The following FGGY variants were observed in gnomAD, a reference collection of about 807,000 sequenced individuals.
The protein encoded by FGGY is FGGY carbohydrate kinase domain containing.
Under a neutral mutation model 71.3 loss-of-function variants are expected in FGGY, and 72 were observed. That is an observed-to-expected ratio of 1.01 (90% confidence interval 0.84 to 1.23). The LOEUF (loss-of-function observed/expected upper bound fraction) is 1.23. Ranked by LOEUF, FGGY falls within the 50% of genes most tolerant of loss-of-function variation. The pLI, the probability that FGGY is intolerant of heterozygous loss-of-function variation, is 0.00. For missense variants in FGGY, 668 were observed against 682.3 expected, an observed-to-expected ratio of 0.98 and a Z score of 0.23; for synonymous variants, 251 against 250.3, an observed-to-expected ratio of 1.00 and a Z score of -0.02.
chr1:59,616,631 T>TA (rs898667158), intron 9 of FGGY, among the ~76,000 whole-genome samples: 1 of 151,954 alleles, frequency 6.6e-6, no homozygotes, highest in Non-Finnish European at 1.5e-5. Flanking sequence ...TAAAGTATAA[T>TA]AAAAAAATAA....
chr1:59,639,358 T>C (rs1354954611), intron 11 of FGGY, among the ~76,000 whole-genome samples: 1 of 152,160 alleles, frequency 6.6e-6, no homozygotes, highest in Non-Finnish European at 1.5e-5. Context: ...GTTGACATGA[T>C]CAACTTCTAT....
intron 12 of FGGY, among the ~76,000 whole-genome samples, chr1:59,662,783 A>C (rs1002070574): frequency 6.6e-6 from 1 of 152,226 alleles, no homozygotes; most frequent in Non-Finnish European, 1.5e-5. Flanking sequence ...GTAGTAGGCT[A>C]TACCATCTAG....
intron 14 of FGGY, among the ~76,000 whole-genome samples, chr1:59,732,694 G>A (rs186077116): frequency 1.3e-5 from 2 of 152,134 alleles, no homozygotes; most frequent in Non-Finnish European, 2.9e-5. Context: ...GTATTCAGGA[G>A]CTTAGCTAGT....
intron 10 of FGGY, among the ~76,000 whole-genome samples, chr1:59,629,984 A>G (rs1374439920): frequency 6.6e-6 from 1 of 152,164 alleles, no homozygotes; most frequent in Admixed American, 6.5e-5. Context: ...TAATTTATAA[A>G]GGAAAGAGGT....
At chr1:59,500,108 T>C (rs1416130001) in intron 6 of FGGY, among the ~76,000 whole-genome samples, 1 of 152,186 alleles carries the variant, frequency 6.6e-6, no homozygotes, top group African/African-American at 2.4e-5. Context: ...GACAACGGCA[T>C]AGAAGGTGGA....
rs192710769 is a variant in FGGY, at chr1:59,424,439, C to T, written c.555-32522C>T. Among the ~76,000 whole-genome samples, 48 of 152,204 alleles carry T rather than the reference C, an allele frequency of 3.2e-4. No individual in the cohort carries two copies. The East Asian group carries it at 5.8e-3, about 18-fold the overall frequency. ...GCACACGCCTGTAATTCCAGCTACTCGGGAAGCTGAGGCAGGAGAATCGCT... is the reference window on the plus strand; with the variant it reads ...GCACACGCCTGTAATTCCAGCTACTTGGGAAGCTGAGGCAGGAGAATCGCT... On this transcript the variant is annotated intron_variant, in intron 5 of 15. Transcript: ENST00000303721.
In FGGY at chr1:59,660,305, T is replaced by A; in HGVS notation, c.1296+12T>A. 1 of 1,608,692 alleles carries A rather than the reference T, an allele frequency of 6.2e-7. No homozygotes were observed. The highest frequency in any genetic ancestry group is 8.5e-7 in the Non-Finnish European group (1 of 1,176,820). On this transcript the variant is annotated intron_variant, in intron 12 of 15. Coordinates refer to ENST00000303721, the MANE Select transcript of FGGY (RefSeq NM_018291.5). ...TTCAAGCCATTGCTGTAAGATACTGTAATGCCATTTTTAAAGAGACTTAGA... is the reference window on the plus strand; with the variant it reads ...TTCAAGCCATTGCTGTAAGATACTGAAATGCCATTTTTAAAGAGACTTAGA...
intron 1 of FGGY, among the ~76,000 whole-genome samples, chr1:59,303,740 C>G (rs564351461): frequency 1.3e-5 from 2 of 152,068 alleles, no homozygotes; most frequent in Non-Finnish European, 2.9e-5. Flanking sequence ...GTTCCCTTTT[C>G]TCCATATTCT....
At chr1:59,549,859 A>G (rs2095581751) in intron 7 of FGGY, among the ~76,000 whole-genome samples, 1 of 152,196 alleles carries the variant, frequency 6.6e-6, no homozygotes. Flanking sequence ...ATGAAGGGAG[A>G]CAGCATATTA....
chr1:59,383,702 C>G (rs1038276734), intron 5 of FGGY, among the ~76,000 whole-genome samples: 1 of 152,194 alleles, frequency 6.6e-6, no homozygotes, highest in Non-Finnish European at 1.5e-5. Context: ...TCCACAACTC[C>G]TTATCCTAAC....
chr1:59,636,835 T>C (rs537382655), intron 10 of FGGY, among the ~76,000 whole-genome samples: 1 of 152,284 alleles, frequency 6.6e-6, no homozygotes, highest in East Asian at 1.9e-4. Flanking sequence ...TAAAACACTT[T>C]TAAAATGCAA....
intron 7 of FGGY, among the ~76,000 whole-genome samples, chr1:59,530,276 G>A (rs996813571): frequency 2.0e-5 from 3 of 152,144 alleles, no homozygotes; most frequent in African/African-American, 7.2e-5. Context: ...TGCTAACTTA[G>A]AATTATAGAT....
chr1:59,581,519 A>G (rs1253163844), intron 8 of FGGY, among the ~76,000 whole-genome samples: 1 of 146,506 alleles, frequency 6.8e-6, no homozygotes, highest in Non-Finnish European at 1.5e-5. Context: ...TGTCTCTCCC[A>G]TCAGTTCTTG....
Position 59,378,762 on chromosome 1 carries a change from T to G in FGGY, c.479T>G (p.Ile160Ser). ...LLWLKENLREICWDKAGHFFD... is the reference protein window; with the variant it reads ...LLWLKENLRESCWDKAGHFFD... ...TTAATTTGGCAGAACTTGAGAGAGA[T>G]TTGCTGGGATAAGGCGGGACATTTC... is the stretch of plus-strand genomic sequence containing the variant. Residue 160 changes from isoleucine (I) to serine (S), a missense_variant, in exon 5 of 16, where the codon ATT (isoleucine) becomes AGT (serine). Ile to Ser is a moderately radical substitution (Grantham distance 142). This residue lies in a region of FGGY where 661 missense variants were observed against 661.6 expected (regional missense o/e 1.00). Transcript: ENST00000303721. 6.2e-7 allele frequency: 1 copy of G among 1,613,348 alleles called. No individual in the cohort carries two copies. Among genetic ancestry groups the G allele is most frequent in the African/African-American group, 1.3e-5 (1 of 74,962 alleles).
At chr1:59,668,576 C>G (rs1558742727) in intron 13 of FGGY, among the ~76,000 whole-genome samples, 2 of 152,218 alleles carry the variant, frequency 1.3e-5, no homozygotes, top group African/African-American at 2.4e-5. Context: ...AGAGCCTTGT[C>G]TAACACGATG....
chr1:59,543,789 C>T (rs1305557190), intron 7 of FGGY, among the ~76,000 whole-genome samples: 1 of 151,960 alleles, frequency 6.6e-6, no homozygotes, highest in African/African-American at 2.4e-5. Flanking sequence ...AAGCATCTCA[C>T]TGGTTTGTTT....
rs1553243968 is a variant in FGGY at position 59,491,052 on chromosome 1, T to TTCCCTCCCCTCCC, written c.671-21256_671-21255insCTCCCCTCCCTCC. Among the ~76,000 whole-genome samples, 73 of 11,612 alleles carry TTCCCTCCCCTCCC rather than the reference T, an allele frequency of 6.3e-3. 11 individuals are homozygous for TTCCCTCCCCTCCC. The highest frequency in any genetic ancestry group is 0.014 in the South Asian group (3 of 222). The allele number at this position is 11,612 out of a possible 152,430, so 7.6% of individuals were successfully genotyped here. A position where few individuals can be genotyped will look rare whatever the true frequency, so the allele number is the denominator to read the frequency against. ...TCCTTTCCTTTCCTTCCTTCCTTCCTTCCTTCCTTCCTTCCTTCCTTCCTT... is the reference window on the plus strand; with the variant it reads ...TCCTTTCCTTTCCTTCCTTCCTTCCTTCCCTCCCCTCCCTCCTTCCTTCCTTCCTTCCTTCCTT... On this transcript the variant is annotated intron_variant, in intron 6 of 15. Transcript: ENST00000303721.
At chr1:59,733,922 C>T (rs1333567951) in intron 14 of FGGY, among the ~76,000 whole-genome samples, 2 of 152,210 alleles carry the variant, frequency 1.3e-5, no homozygotes, top group Non-Finnish European at 2.9e-5. Context: ...TCTCTCATAT[C>T]TGGGTGATAA....
In FGGY at chr1:59,709,925, G is replaced by A. The variant is rs4916073; in HGVS notation, c.1512+35792G>A. ...ACTCCATGGCAGTGGTAGCCAGCTG[G>A]GGTCACTGCCTTGACCCACCCTGAG... On this transcript the variant is annotated intron_variant, in intron 14 of 15. Transcript: ENST00000303721. 6.8e-4 allele frequency among the ~76,000 whole-genome samples: 104 copies of A among 152,282 alleles called. 1 individual carries two copies. Among genetic ancestry groups the A allele is most frequent in the Admixed American group, 5.4e-3 (82 of 15,294 alleles).
Sources: allele counts gnomAD v4.1 joint callset (sites outside exome capture counted in the v4.1 genomes callset), GRCh38; gene constraint gnomAD v4.1.1; regional missense constraint gnomAD v4.1.1; transcripts MANE v1.5; gene names NCBI Gene and HGNC (gene_info 2026-07-23, HGNC 2026-07-21).